The following GLRA2 variants were observed in gnomAD, a reference collection of about 807,000 sequenced individuals.
GLRA2 encodes glycine receptor subunit alpha-2.
In GLRA2, 11 loss-of-function variants were observed where a neutral mutation model predicts 31.6. The ratio of observed to expected loss-of-function variants is 0.35; its 90% CI spans 0.22 to 0.58. The LOEUF (loss-of-function observed/expected upper bound fraction) is 0.58. Ranked by LOEUF, GLRA2 falls within the 20% of genes least tolerant of loss-of-function variation. GLRA2 has a pLI of 0.84. For missense variants in GLRA2, 212 were observed against 351.8 expected, an observed-to-expected ratio of 0.60 and a Z score of 3.18; for synonymous variants, 132 against 134.0, an observed-to-expected ratio of 0.99 and a Z score of 0.10.
At chrX:14,636,795 A>G (rs996811567) in intron 7 of GLRA2, among the ~76,000 whole-genome samples, 1 of 112,279 alleles carries the variant, frequency 8.9e-6, no homozygotes. Context: ...ACTTTCTATA[A>G]ATCTAAAACT....
At chrX:14,685,522 A>C (rs756897052) in intron 7 of GLRA2, among the ~76,000 whole-genome samples, 11 of 111,718 alleles carry the variant, frequency 9.8e-5, no homozygotes, top group African/African-American at 3.6e-4. Context: ...CAGGGATTCA[A>C]CTTCTTCCTG....
At chrX:14,728,342 G>A (rs1001404816) in intron 8 of GLRA2, among the ~76,000 whole-genome samples, 4 of 111,339 alleles carry the variant, frequency 3.6e-5, no homozygotes, top group Non-Finnish European at 5.6e-5. Flanking sequence ...GCAGTGAGCC[G>A]TGATCATGCC....
chrX:14,723,820 G>GT (rs2091894940), intron 8 of GLRA2, among the ~76,000 whole-genome samples: 1 of 111,895 alleles, frequency 8.9e-6, no homozygotes, highest in Non-Finnish European at 1.9e-5. Flanking sequence ...GATTAGACCA[G>GT]GACCCCATTT....
the GLRA2 span, among the ~76,000 whole-genome samples, chrX:14,511,244 A>T: frequency 8.9e-6 from 1 of 112,346 alleles, no homozygotes; most frequent in Non-Finnish European, 1.9e-5. Context: ...TAAAAGGAGA[A>T]AGAGAAATGA....
At chrX:14,538,890 C>G (rs1053312772) in intron 2 of GLRA2, among the ~76,000 whole-genome samples, 5 of 111,528 alleles carry the variant, frequency 4.5e-5, no homozygotes, top group Non-Finnish European at 9.4e-5. Flanking sequence ...CACAACATGG[C>G]AGGTTAAGCG....
chrX:14,586,639 T>C (rs2090084004), intron 4 of GLRA2, among the ~76,000 whole-genome samples: 1 of 112,243 alleles, frequency 8.9e-6, no homozygotes, highest in African/African-American at 3.2e-5. Flanking sequence ...CTTGAATCCA[T>C]ACTGAAATAG....
chrX:14,660,693 A>G (rs2090982407), intron 7 of GLRA2, among the ~76,000 whole-genome samples: 1 of 111,831 alleles, frequency 8.9e-6, no homozygotes, highest in Non-Finnish European at 1.9e-5. Flanking sequence ...ATTTTGCTGC[A>G]TGTACATTGA....
intron 4 of GLRA2, among the ~76,000 whole-genome samples, chrX:14,582,251 G>A (rs1363196149): frequency 2.3e-5 from 2 of 88,877 alleles, no homozygotes; most frequent in Non-Finnish European, 4.3e-5. Flanking sequence ...AGAGTGTGAT[G>A]TTCCCCTTCC....
intron 7 of GLRA2, among the ~76,000 whole-genome samples, chrX:14,637,334 G>C (rs2090721043): frequency 8.9e-6 from 1 of 112,123 alleles, no homozygotes; most frequent in Non-Finnish European, 1.9e-5. Context: ...CTATGGGGGA[G>C]GTGGAATGAG....
chrX:14,572,699 G>GA (rs761653375), intron 2 of GLRA2, among the ~76,000 whole-genome samples: 7 of 112,099 alleles, frequency 6.2e-5, no homozygotes, highest in Non-Finnish European at 1.1e-4. Flanking sequence ...GATGTCTACT[G>GA]AAAATTGTTT....
At chrX:14,570,849 A>T (rs889158587) in intron 2 of GLRA2, among the ~76,000 whole-genome samples, 4 of 111,953 alleles carry the variant, frequency 3.6e-5, no homozygotes, top group Non-Finnish European at 7.5e-5. Context: ...GCAACAAAGA[A>T]GATCAATATG....
At chrX:14,595,469 C>T (rs968611819) in intron 4 of GLRA2, among the ~76,000 whole-genome samples, 2 of 111,858 alleles carry the variant, frequency 1.8e-5, no homozygotes, top group African/African-American at 6.5e-5. Flanking sequence ...TCTCTCTATG[C>T]ATTACATGAT....
At chrX:14,526,739 G>A (rs1879700038), upstream of GLRA2, among the ~76,000 whole-genome samples, 1 of 111,956 alleles carries the variant, frequency 8.9e-6, no homozygotes, top group Non-Finnish European at 1.9e-5. Flanking sequence ...CATACATTAG[G>A]AATTGTTTAG....
At chrX:14,660,654 C>T (rs1326280425) in intron 7 of GLRA2, among the ~76,000 whole-genome samples, 1 of 111,621 alleles carries the variant, frequency 9.0e-6, no homozygotes, top group African/African-American at 3.3e-5. Flanking sequence ...GGACCGGTGG[C>T]TAGCAGTGGA....
At chrX:14,514,678 C>A in the GLRA2 span, among the ~76,000 whole-genome samples, 3 of 111,234 alleles carry the variant, frequency 2.7e-5, no homozygotes, top group African/African-American at 9.8e-5. Flanking sequence ...CTTTAATTCT[C>A]CAGTTAAAAA....
At chrX:14,451,726 G>A in the GLRA2 span, among the ~76,000 whole-genome samples, 2 of 105,226 alleles carry the variant, frequency 1.9e-5, no homozygotes, top group Non-Finnish European at 3.9e-5. Context: ...TCTTCAAGAG[G>A]CCCATCTCAC....
chrX:14,589,120 A>G (rs2090112957), intron 4 of GLRA2, among the ~76,000 whole-genome samples: 1 of 111,056 alleles, frequency 9.0e-6, no homozygotes, highest in African/African-American at 3.3e-5. Context: ...TATGTTTAAT[A>G]GGAGTGGTGA....
At chrX:14,504,029 C>G in the GLRA2 span, among the ~76,000 whole-genome samples, 2 of 110,984 alleles carry the variant, frequency 1.8e-5, no homozygotes, top group African/African-American at 3.3e-5. Context: ...TCAAAACTAC[C>G]GGGACACTTC....
upstream of GLRA2, among the ~76,000 whole-genome samples, chrX:14,524,666 T>C (rs1384167510): frequency 9.0e-6 from 1 of 111,465 alleles, no homozygotes; most frequent in Non-Finnish European, 1.9e-5. Flanking sequence ...GATATTGATA[T>C]ATTGGATATC....
Sources: gnomAD v4.1 joint callset for allele counts (sites outside exome capture counted in the v4.1 genomes callset) on GRCh38, gnomAD v4.1.1 for gene constraint, MANE v1.5 for transcripts, NCBI Gene and HGNC (gene_info 2026-07-23, HGNC 2026-07-21) for gene names.